MYO3A: variants seen among roughly 807,000 people sequenced by gnomAD.
MYO3A encodes myosin-IIIa.
In MYO3A, 180 loss-of-function variants were observed where a neutral mutation model predicts 192.7. The ratio of observed to expected loss-of-function variants is 0.93; its 90% CI spans 0.83 to 1.06. The LOEUF is 1.06. Ranked by LOEUF, MYO3A falls within the 50% of genes least tolerant of loss-of-function variation. The probability of loss-of-function intolerance (pLI) is 0.00; values close to 1 mark genes in which losing one functional copy is unlikely to be tolerated. For missense variants in MYO3A, 1,896 were observed against 1,905.0 expected, an observed-to-expected ratio of 1.00 and a Z score of 0.09; for synonymous variants, 628 against 645.3, an observed-to-expected ratio of 0.97 and a Z score of 0.41.
intron 2 of MYO3A, among the ~76,000 whole-genome samples, chr10:25,951,453 T>C (rs1282753838): frequency 1.3e-5 from 2 of 152,114 alleles, no homozygotes; most frequent in Admixed American, 1.3e-4. Context: ...TTTTGCAATT[T>C]AGCAAAGAAG....
chr10:26,207,366 C>G (rs1385822032), intron 34 of MYO3A, among the ~76,000 whole-genome samples: 2 of 152,094 alleles, frequency 1.3e-5, no homozygotes, highest in Non-Finnish European at 1.5e-5. Flanking sequence ...ATGAGCTAGC[C>G]CCTGTATTTT....
chr10:25,961,404 A>T (rs888590357), intron 4 of MYO3A, among the ~76,000 whole-genome samples: 1 of 152,162 alleles, frequency 6.6e-6, no homozygotes, highest in African/African-American at 2.4e-5. Flanking sequence ...GAGCAGATTG[A>T]TTAAAATGAG....
intron 14 of MYO3A, among the ~76,000 whole-genome samples, chr10:26,084,161 A>T (rs1210648673): frequency 6.6e-6 from 1 of 152,194 alleles, no homozygotes; most frequent in Non-Finnish European, 1.5e-5. Flanking sequence ...GAGGTGTTGG[A>T]CTTTGTCAGA....
Position 26,125,570 on chromosome 10 carries a change from T to C in MYO3A, c.2076T>C (p.Asn692=). 6.2e-7 allele frequency: 1 copy of C among 1,614,040 alleles called. No homozygotes were observed. Among genetic ancestry groups the C allele is most frequent in the Non-Finnish European group, 8.5e-7 (1 of 1,179,904 alleles). The change falls in exon 19 of 35, where the codon AAT becomes AAC. Residue 692 remains asparagine, a synonymous_variant. Transcript: ENST00000642920. ...LYGRLFSWIV[N]CINSLLKHDS... ...GACGTCTCTTTAGTTGGATAGTCAA[T>C]TGCATTAACAGTTTGTTGAAGCATG...
chr10:26,110,155 A>G (rs543645169), intron 17 of MYO3A, among the ~76,000 whole-genome samples: 1 of 152,290 alleles, frequency 6.6e-6, no homozygotes, highest in South Asian at 2.1e-4. Flanking sequence ...GACCATCTTC[A>G]TTTCTGAATC....
chr10:26,114,443 A>C (rs890483566), intron 17 of MYO3A, among the ~76,000 whole-genome samples: 4 of 152,160 alleles, frequency 2.6e-5, no homozygotes, highest in African/African-American at 9.7e-5. Flanking sequence ...TTTCCCAACC[A>C]CAGGGCTCTG....
At chr10:26,044,506 T>C (rs181059918) in intron 10 of MYO3A, among the ~76,000 whole-genome samples, 1 of 152,316 alleles carries the variant, frequency 6.6e-6, no homozygotes, top group East Asian at 1.9e-4. Context: ...TACTCCTTCT[T>C]TGGGTGAGTG....
intron 10 of MYO3A, among the ~76,000 whole-genome samples, chr10:26,042,327 C>T (rs540059659): frequency 1.1e-4 from 17 of 152,070 alleles, no homozygotes; most frequent in African/African-American, 4.1e-4. Flanking sequence ...GCTTGGCATT[C>T]TATAACCTTC....
intron 4 of MYO3A, among the ~76,000 whole-genome samples, chr10:25,991,759 G>A (rs1479796501): frequency 1.8e-4 from 28 of 152,134 alleles, no homozygotes; most frequent in Admixed American, 7.2e-4. Context: ...AGCACCATTT[G>A]TTAAATAGGG....
chr10:25,956,077 C>T (rs1235959022), intron 4 of MYO3A, among the ~76,000 whole-genome samples: 2 of 152,106 alleles, frequency 1.3e-5, no homozygotes. Context: ...ACGCTGTGTT[C>T]TCACATGGCA....
chr10:26,145,009 C>G (rs1840368003), intron 21 of MYO3A, among the ~76,000 whole-genome samples: 1 of 152,058 alleles, frequency 6.6e-6, no homozygotes, highest in African/African-American at 2.4e-5. Context: ...AACCCTGTCT[C>G]TACTTTAAAA....
At chr10:26,100,822 G>A (rs544766524) in intron 17 of MYO3A, among the ~76,000 whole-genome samples, 2 of 152,240 alleles carry the variant, frequency 1.3e-5, no homozygotes, top group South Asian at 4.1e-4. Flanking sequence ...CCAACTATGT[G>A]GTCAATTTTG....
intron 26 of MYO3A, among the ~76,000 whole-genome samples, chr10:26,161,066 A>C (rs1423940733): frequency 1.3e-5 from 2 of 152,224 alleles, no homozygotes; most frequent in Non-Finnish European, 2.9e-5. Flanking sequence ...AGGGGATAAA[A>C]CTAAGTGTAT....
chr10:26,058,492 G>A (rs951470716), intron 10 of MYO3A, among the ~76,000 whole-genome samples: 1 of 152,218 alleles, frequency 6.6e-6, no homozygotes, highest in East Asian at 1.9e-4. Context: ...TGGGTAGAAA[G>A]AAGCACAGTA....
Position 25,954,924 on chromosome 10 carries a change from T to G in MYO3A, c.219T>G (p.Ser73=), listed in dbSNP as rs372782893. The change falls in exon 4 of 35, where the codon TCT becomes TCG. Residue 73 remains serine (S), a synonymous_variant. Transcript: ENST00000642920. ...EAEYNILKAL[S]DHPNVVRFYG... ...AATATAACATCTTAAAAGCACTTTC[T>G]GACCACCCTAATGTGGTCAGATTCT... 4.9e-5 allele frequency: 79 copies of G among 1,612,526 alleles called. No individual in the cohort carries two copies. Among genetic ancestry groups the G allele is most frequent in the Non-Finnish European group, 6.2e-5 (73 of 1,178,894 alleles).
intron 10 of MYO3A, among the ~76,000 whole-genome samples, chr10:26,034,924 A>AGTGTGTGTGTGTGTGT (rs370942096): frequency 2.0e-5 from 3 of 151,014 alleles, no homozygotes; most frequent in Non-Finnish European, 4.4e-5. Flanking sequence ...TTTTACATGA[A>AGTGTGTGTGTGTGTGT]GCGTGTGTGT....
chr10:26,124,206 A>C (rs1219153032), intron 18 of MYO3A, among the ~76,000 whole-genome samples: 4 of 151,906 alleles, frequency 2.6e-5, no homozygotes, highest in Admixed American at 6.6e-5. Flanking sequence ...AAAAAAAAAA[A>C]AAAACTTTTA....
intron 23 of MYO3A, among the ~76,000 whole-genome samples, chr10:26,150,024 G>C (rs1840704877): frequency 9.1e-6 from 1 of 109,544 alleles, no homozygotes; most frequent in East Asian, 2.7e-4. Flanking sequence ...ATGTTGAATA[G>C]TATTCGTGTG....
At chr10:26,205,765 C>T (rs1159998871) in intron 34 of MYO3A, among the ~76,000 whole-genome samples, 3 of 151,010 alleles carry the variant, frequency 2.0e-5, no homozygotes, top group African/African-American at 7.3e-5. Context: ...TACAGGCACC[C>T]GCCATCACTC....
Sources: allele counts gnomAD v4.1 joint callset (sites outside exome capture counted in the v4.1 genomes callset), GRCh38; gene constraint gnomAD v4.1.1; transcripts MANE v1.5; gene names NCBI Gene and HGNC (gene_info 2026-07-23, HGNC 2026-07-21).